PTPRD: variants seen among roughly 807,000 people sequenced by gnomAD.
The protein encoded by PTPRD is protein tyrosine phosphatase receptor type D.
PTPRD carries 34 observed loss-of-function variants against 214.5 expected under a neutral mutation model. The observed-to-expected ratio is 0.16, with a 90% CI of 0.12 to 0.21. The LOEUF is 0.21. PTPRD is among the 10% of genes least tolerant of loss of function. The probability of loss-of-function intolerance (pLI) is 1.00; values close to 1 mark genes in which losing one functional copy is unlikely to be tolerated. For synonymous variants in PTPRD, 1,128 were observed against 845.7 expected, an observed-to-expected ratio of 1.33 and a Z score of -5.79; for missense variants, 2,545 against 2,398.7, an observed-to-expected ratio of 1.06 and a Z score of -1.27.
At chr9:9,137,869 C>T (rs898671913) in intron 10 of PTPRD, among the ~76,000 whole-genome samples, 1 of 152,106 alleles carries the variant, frequency 6.6e-6, no homozygotes, top group Non-Finnish European at 1.5e-5. Flanking sequence ...CAATTCAGGT[C>T]TAAATAATAT....
intron 12 of PTPRD, among the ~76,000 whole-genome samples, chr9:8,662,268 T>C (rs568523075): frequency 1.9e-4 from 29 of 152,102 alleles, no homozygotes; most frequent in Non-Finnish European, 3.5e-4. Context: ...GTCCCTACAT[T>C]TGTTACTGGG....
At chr9:8,770,178 G>T (rs542276143) in intron 11 of PTPRD, among the ~76,000 whole-genome samples, 2 of 152,034 alleles carry the variant, frequency 1.3e-5, no homozygotes, top group African/African-American at 2.4e-5. Flanking sequence ...CTACTCGGGG[G>T]GCTGAGGCAG....
chr9:9,198,813 A>G (rs1569561367), intron 9 of PTPRD, among the ~76,000 whole-genome samples: 1 of 152,188 alleles, frequency 6.6e-6, no homozygotes, highest in Non-Finnish European at 1.5e-5. Flanking sequence ...AGATGACTGC[A>G]TATAGTATAT....
intron 14 of PTPRD, among the ~76,000 whole-genome samples, chr9:8,602,175 A>C (rs932278576): frequency 6.6e-6 from 1 of 152,222 alleles, no homozygotes; most frequent in African/African-American, 2.4e-5. Flanking sequence ...GTGTTTCTAT[A>C]AACGACCTTA....
chr9:9,400,675 CTATT>C (rs1273320152), intron 8 of PTPRD, among the ~76,000 whole-genome samples: 2 of 151,762 alleles, frequency 1.3e-5, no homozygotes, highest in Non-Finnish European at 2.9e-5. Flanking sequence ...AAATATATAA[CTATT>C]GATTGAGAGA....
intron 10 of PTPRD, among the ~76,000 whole-genome samples, chr9:9,078,694 T>C (rs572788104): frequency 6.6e-6 from 1 of 152,134 alleles, no homozygotes; most frequent in Admixed American, 6.6e-5. Context: ...CAGGAAAGTA[T>C]GGATGGCAAA....
intron 11 of PTPRD, among the ~76,000 whole-genome samples, chr9:9,000,814 C>A (rs1000709667): frequency 6.6e-6 from 1 of 151,852 alleles, no homozygotes; most frequent in African/African-American, 2.4e-5. Context: ...CCTGAAGAGA[C>A]CCTCTATAAC....
intron 8 of PTPRD, among the ~76,000 whole-genome samples, chr9:9,416,507 T>A (rs1381797878): frequency 1.3e-5 from 2 of 152,174 alleles, no homozygotes; most frequent in Non-Finnish European, 2.9e-5. Context: ...TGAATGTTAT[T>A]GCTGTCAGAA....
intron 21 of PTPRD, among the ~76,000 whole-genome samples, chr9:8,509,159 A>T (rs2097613315): frequency 1.3e-5 from 2 of 152,134 alleles, no homozygotes; most frequent in South Asian, 2.1e-4. Flanking sequence ...GGTGGAAGCG[A>T]AAGAAGATAA....
chr9:8,334,453 A>C (rs1361200380), intron 43 of PTPRD, among the ~76,000 whole-genome samples: 1 of 147,768 alleles, frequency 6.8e-6, no homozygotes, highest in African/African-American at 2.5e-5. Context: ...GGTAAATAAC[A>C]GAATGAAGGC....
At chr9:8,345,325 C>T (rs1856553031) in intron 39 of PTPRD, among the ~76,000 whole-genome samples, 1 of 152,078 alleles carries the variant, frequency 6.6e-6, no homozygotes, top group Non-Finnish European at 1.5e-5. Flanking sequence ...GCAGAGAAGA[C>T]TCAAATGCAG....
intron 9 of PTPRD, among the ~76,000 whole-genome samples, chr9:9,262,742 C>G (rs1025726085): frequency 4.0e-5 from 6 of 151,478 alleles, no homozygotes; most frequent in African/African-American, 1.2e-4. Context: ...ATTTTTAATG[C>G]CATGTTTCTT....
chr9:8,767,245 G>C (rs2094827079), intron 11 of PTPRD, among the ~76,000 whole-genome samples: 1 of 152,054 alleles, frequency 6.6e-6, no homozygotes, highest in Non-Finnish European at 1.5e-5. Context: ...AGCCTCCCGA[G>C]TAGCTGGGAT....
At chr9:8,733,990 A>C in intron 11 of PTPRD, 44 bp from the exon 12 acceptor site, 2 of 742,124 alleles carry the variant, frequency 2.7e-6, no homozygotes, top group Non-Finnish European at 4.5e-6. Flanking sequence ...GAAAACACAA[A>C]AGTGCTTAGA....
At chr9:8,879,616 T>G (rs2098424978) in intron 11 of PTPRD, among the ~76,000 whole-genome samples, 1 of 152,190 alleles carries the variant, frequency 6.6e-6, no homozygotes. Flanking sequence ...GAATTATAGA[T>G]TTATCAAAAT....
At chr9:9,564,569 C>T (rs577748747) in intron 8 of PTPRD, among the ~76,000 whole-genome samples, 2 of 151,974 alleles carry the variant, frequency 1.3e-5, no homozygotes, top group African/African-American at 4.8e-5. Flanking sequence ...ATTGTGAGAA[C>T]CTTTGGGTTG....
chr9:8,577,990 T>C (rs1369875728), intron 14 of PTPRD, among the ~76,000 whole-genome samples: 2 of 152,194 alleles, frequency 1.3e-5, no homozygotes, highest in Admixed American at 1.3e-4. Context: ...CATCTTCCTT[T>C]CATTCTTCTG....
At chr9:9,071,526 T>C (rs1159896213) in intron 10 of PTPRD, among the ~76,000 whole-genome samples, 1 of 152,144 alleles carries the variant, frequency 6.6e-6, no homozygotes, top group Non-Finnish European at 1.5e-5. Flanking sequence ...TGCAGGGAAC[T>C]GTGAGTAGCC....
chr9:9,832,785 C>A (rs548024030), intron 5 of PTPRD, among the ~76,000 whole-genome samples: 2 of 151,988 alleles, frequency 1.3e-5, no homozygotes, highest in East Asian at 1.9e-4. Context: ...AGGCAACTAG[C>A]CAATGGACCA....
Sources: allele counts gnomAD v4.1 joint callset (sites outside exome capture counted in the v4.1 genomes callset), GRCh38; gene constraint gnomAD v4.1.1; transcripts MANE v1.5; gene names NCBI Gene and HGNC (gene_info 2026-07-23, HGNC 2026-07-21).